The following TEX264 variants were observed in gnomAD, a reference collection of about 807,000 sequenced individuals.
TEX264 encodes testis expressed 264, ER-phagy receptor, also known as testis-expressed protein 264.
A neutral mutation model predicts 23.4 loss-of-function variants in TEX264; 13 were observed. That is an observed-to-expected ratio of 0.56 (90% CI 0.36 to 0.88). The LOEUF is 0.88. Ranked by LOEUF, TEX264 falls within the 40% of genes least tolerant of loss-of-function variation. TEX264 has a pLI of 0.01. For missense variants in TEX264, 340 were observed against 406.8 expected, an observed-to-expected ratio of 0.84 and a Z score of 1.41; for synonymous variants, 159 against 170.0, an observed-to-expected ratio of 0.94 and a Z score of 0.50.
chr3:51,702,847 G>A (rs1201455671), intron 4 of TEX264, among the ~76,000 whole-genome samples: 2 of 152,230 alleles, frequency 1.3e-5, no homozygotes, highest in Non-Finnish European at 2.9e-5. Context: ...CTTGCTTGGA[G>A]GATGTATTGG....
intron 2 of TEX264, among the ~76,000 whole-genome samples, chr3:51,677,321 C>A (rs758652620): frequency 6.6e-6 from 1 of 152,190 alleles, no homozygotes; most frequent in East Asian, 1.9e-4. Flanking sequence ...GGAAAGGCCC[C>A]ATCCTGGTCC....
chr3:51,678,129 A>G (rs1158171922), intron 2 of TEX264, among the ~76,000 whole-genome samples: 1 of 152,194 alleles, frequency 6.6e-6, no homozygotes. Flanking sequence ...TGACTGGGGA[A>G]GGGTCCTGAC....
intron 4 of TEX264, 146 bp downstream of exon 4, chr3:51,699,720 C>A: frequency 2.3e-6 from 2 of 866,198 alleles, no homozygotes; most frequent in Non-Finnish European, 3.6e-6. Context: ...GGAGACCCAC[C>A]TACCTGAGGA....
intron 3 of TEX264, among the ~76,000 whole-genome samples, chr3:51,698,159 C>T (rs1023232618): frequency 1.3e-5 from 2 of 152,064 alleles, no homozygotes; most frequent in African/African-American, 4.8e-5. Flanking sequence ...CAGGCTCACT[C>T]CTCTTTCCCT....
intron 1 of TEX264, among the ~76,000 whole-genome samples, chr3:51,673,255 C>A (rs1191355947): frequency 1.3e-5 from 2 of 152,132 alleles, no homozygotes; most frequent in South Asian, 2.1e-4. Context: ...GGCTCCCTTC[C>A]TCTTTAAACA....
chr3:51,674,207 C>T (rs1000856631), intron 1 of TEX264, 64 bp from the exon 2 acceptor site: 33 of 1,552,432 alleles, frequency 2.1e-5, no homozygotes, highest in Admixed American at 3.5e-5. Context: ...AACTGGTTGG[C>T]GGGCAAGTGG....
chr3:51,690,884 TG>T (rs1456274283), intron 3 of TEX264, among the ~76,000 whole-genome samples: 1 of 152,132 alleles, frequency 6.6e-6, no homozygotes, highest in Non-Finnish European at 1.5e-5. Flanking sequence ...GGTCAAGGGA[TG>T]GAGCGGTAGC....
Position 51,686,391 on chromosome 3 carries a change from GAC to G in TEX264, c.480+1761_480+1762del, listed in dbSNP as rs949129552. Among the ~76,000 whole-genome samples, 1 of 152,198 alleles carries G rather than the reference GAC, an allele frequency of 6.6e-6. No individual in the cohort carries two copies. Among genetic ancestry groups the G allele is most frequent in the African/African-American group, 2.4e-5 (1 of 41,432 alleles). Reference sequence around the variant, plus strand: ...TTCACCAAAGCAGCTTGGGGAAAGGGACACAGCGTTGATGATGGAAATGGGAG... The same window carrying G: ...TTCACCAAAGCAGCTTGGGGAAAGGGACAGCGTTGATGATGGAAATGGGAG... On this transcript the variant is annotated intron_variant, in intron 3 of 4. Coordinates refer to ENST00000341333, the MANE Select transcript of TEX264 (RefSeq NM_015926.6). This position sits in a 1 kb window ranked among gnomAD's most constrained non-coding sequence, Gnocchi z 4.1.
At chr3:51,699,113 G>T (rs1703181863) in intron 3 of TEX264, among the ~76,000 whole-genome samples, 1 of 152,114 alleles carries the variant, frequency 6.6e-6, no homozygotes, top group African/African-American at 2.4e-5. Flanking sequence ...CAGCTTTTTG[G>T]TCTCAGATGT....
At chr3:51,685,745 G>A (rs1210445937) in intron 3 of TEX264, among the ~76,000 whole-genome samples, 1 of 152,232 alleles carries the variant, frequency 6.6e-6, no homozygotes, top group African/African-American at 2.4e-5. Flanking sequence ...CTGGGACCAG[G>A]TGGAGATGCT....
Position 51,694,926 on chromosome 3 carries a change from G to A in TEX264, c.481-4480G>A, listed in dbSNP as rs76441878. Among the ~76,000 whole-genome samples, 256 of 152,308 alleles carry A rather than the reference G, an allele frequency of 1.7e-3. 2 individuals are homozygous for A. The highest frequency in any genetic ancestry group is 5.8e-3 in the African/African-American group (243 of 41,554). On this transcript the variant is annotated intron_variant, in intron 3 of 4. Coordinates refer to ENST00000341333, the MANE Select transcript of TEX264 (RefSeq NM_015926.6). ...TGGTGGGGGTGAGAGGAAAGTTTCC[G>A]GGCAGAATAATAACGTGCTACCTTC...
At position 51,702,532 on chromosome 3, in the gene TEX264, C is replaced by G. The variant is rs192279632; in HGVS notation, c.650-1192C>G. Among the ~76,000 whole-genome samples, 579 of 152,270 alleles carry G rather than the reference C, an allele frequency of 3.8e-3. 2 individuals carry two copies. Among genetic ancestry groups the G allele is most frequent in the Non-Finnish European group, 6.2e-3 (419 of 68,014 alleles). ...CCCAACCTAGGCCCCATTTGAGGCTCAAGGAAAGCCCCAGGCTGAGTCCAG... is the reference window on the plus strand; with the variant it reads ...CCCAACCTAGGCCCCATTTGAGGCTGAAGGAAAGCCCCAGGCTGAGTCCAG... On this transcript the variant is annotated intron_variant, in intron 4 of 4. Transcript: ENST00000341333.
At chr3:51,702,803 G>T (rs1402607989) in intron 4 of TEX264, among the ~76,000 whole-genome samples, 1 of 152,236 alleles carries the variant, frequency 6.6e-6, no homozygotes, top group East Asian at 1.9e-4. Flanking sequence ...ATGAACCCAG[G>T]GGTTGCTCCT....
chr3:51,676,019 G>A (rs999131916), intron 2 of TEX264, among the ~76,000 whole-genome samples: 6 of 152,182 alleles, frequency 3.9e-5, no homozygotes, highest in Non-Finnish European at 7.4e-5. Context: ...GGTGAGAGGC[G>A]ACATGGGTTG....
chr3:51,691,340 A>G lies in TEX264; in HGVS notation c.480+6706A>G, dbSNP rs1264984515. Among the ~76,000 whole-genome samples the G allele has an allele frequency of 3.3e-5, 5 of 152,134 alleles. No homozygotes were observed. The highest frequency in any genetic ancestry group is 2.1e-4 in the South Asian group (1 of 4,820). On this transcript the variant is annotated intron_variant, in intron 3 of 4. Coordinates refer to ENST00000341333, the MANE Select transcript of TEX264 (RefSeq NM_015926.6). The surrounding 1 kb of genome is among the most constrained non-coding windows in gnomAD (Gnocchi z 4.4). ...TTACCTGCTGGTACTGCCACCTGCTAAGTGGCCTGCTCTGGCACAGGGAGG... is the reference window on the plus strand; with the variant it reads ...TTACCTGCTGGTACTGCCACCTGCTGAGTGGCCTGCTCTGGCACAGGGAGG...
intron 2 of TEX264, among the ~76,000 whole-genome samples, chr3:51,676,391 G>A (rs555210772): frequency 3.4e-4 from 52 of 152,224 alleles, no homozygotes; most frequent in Non-Finnish European, 7.1e-4. Flanking sequence ...GAGTGAGATG[G>A]AAGAAGCCTG....
chr3:51,695,182 A>G (rs1703007315), intron 3 of TEX264, among the ~76,000 whole-genome samples: 1 of 152,228 alleles, frequency 6.6e-6, no homozygotes, highest in South Asian at 2.1e-4. Context: ...CTGCCTGGGT[A>G]TCCAGCCTGG....
At chr3:51,689,515 A>G (rs1702750465) in intron 3 of TEX264, among the ~76,000 whole-genome samples, 1 of 151,422 alleles carries the variant, frequency 6.6e-6, no homozygotes. Context: ...ACCCCAGACC[A>G]TAGTTCTCAG....
intron 2 of TEX264, among the ~76,000 whole-genome samples, chr3:51,674,861 C>T (rs1243032594): frequency 1.3e-5 from 2 of 152,190 alleles, no homozygotes; most frequent in African/African-American, 4.8e-5. Context: ...GGACTTTGGT[C>T]CCCTGCCTCC....
Sources: allele counts gnomAD v4.1 joint callset (sites outside exome capture counted in the v4.1 genomes callset), GRCh38; gene constraint gnomAD v4.1.1; non-coding constraint Gnocchi (gnomAD v3.1); transcripts MANE v1.5; gene names NCBI Gene and HGNC (gene_info 2026-07-23, HGNC 2026-07-21).